Variants in ATP7B observed in about 807,000 individuals in gnomAD.
ATP7B encodes the protein ATPase copper transporting beta.
In ATP7B, 113 loss-of-function variants were observed where a neutral mutation model predicts 118.9. The observed-to-expected ratio is 0.95, with a 90% CI of 0.82 to 1.11. The LOEUF is 1.11. ATP7B is among the 50% of genes most tolerant of loss of function. ATP7B has a pLI of 0.00. For missense variants in ATP7B, 1,867 were observed against 1,871.4 expected, an observed-to-expected ratio of 1.00 and a Z score of 0.04; for synonymous variants, 777 against 727.4, an observed-to-expected ratio of 1.07 and a Z score of -1.10.
At chr13:52,004,172 G>A (rs1163114282) in intron 1 of ATP7B, among the ~76,000 whole-genome samples, 3 of 152,224 alleles carry the variant, frequency 2.0e-5, no homozygotes, top group African/African-American at 7.2e-5. Flanking sequence ...TGAGGCAGAA[G>A]AGTTTCCTTA....
At chr13:51,973,842 G>A in intron 2 of ATP7B, 93 bp downstream of exon 2, 1 of 1,570,210 alleles carries the variant, frequency 6.4e-7, no homozygotes, top group Non-Finnish European at 8.7e-7. Context: ...TGGGAGGCAG[G>A]GAGCAGGGCT....
intron 9 of ATP7B, 50 bp downstream of exon 9, chr13:51,957,466 C>T (rs767295590): frequency 8.3e-6 from 13 of 1,556,956 alleles, no homozygotes; most frequent in African/African-American, 8.1e-5. Flanking sequence ...ATGCAGCTCA[C>T]ACAGATTGAT....
intron 1 of ATP7B, among the ~76,000 whole-genome samples, chr13:52,000,643 CT>C (rs762476281): frequency 2.4e-4 from 37 of 152,338 alleles, no homozygotes; most frequent in Middle Eastern, 3.4e-3. Context: ...CCTTCCCCTG[CT>C]GCTCCCACAG....
chr13:51,996,311 TG>T (rs749323051), intron 1 of ATP7B, among the ~76,000 whole-genome samples: 2 of 152,062 alleles, frequency 1.3e-5, no homozygotes, highest in African/African-American at 2.4e-5. Flanking sequence ...CTGTTCCACA[TG>T]GGGATTAATA....
intron 5 of ATP7B, among the ~76,000 whole-genome samples, chr13:51,963,471 C>T (rs894293854): frequency 1.1e-4 from 16 of 152,082 alleles, no homozygotes; most frequent in Non-Finnish European, 2.4e-4. Context: ...CACGGTGGCT[C>T]ATGCCTGTAA....
Position 51,934,984 on chromosome 13 carries a change from G to A in ATP7B, c.4170C>T (p.Gly1390=). The change falls in exon 21 of 21, where the codon GGC becomes GGT. Residue 1390 remains glycine (G), a synonymous_variant. Transcript: ENST00000242839. ...GGGATGCCGTCAGGGGCTTCATGTG[G>A]CCATGCGCCTGTGCCTCATACCTCT... The part of the protein sequence containing the change: ...DLERYEAQAH[G]HMKPLTASQV... 1.9e-6 allele frequency: 3 copies of A among 1,614,004 alleles called. No homozygotes were observed. The highest frequency in any genetic ancestry group is 2.5e-6 in the Non-Finnish European group (3 of 1,180,044).
At chr13:51,977,822 T>TG (rs1272211443) in intron 1 of ATP7B, among the ~76,000 whole-genome samples, 19 of 152,176 alleles carry the variant, frequency 1.2e-4, no homozygotes, top group African/African-American at 4.6e-4. Context: ...CAATAGGAAT[T>TG]TTTCAGTTTC....
chr13:52,006,230 T>A (rs1180450243), intron 1 of ATP7B, among the ~76,000 whole-genome samples: 1 of 152,256 alleles, frequency 6.6e-6, no homozygotes, highest in Non-Finnish European at 1.5e-5. Context: ...GGATACTTCC[T>A]CGATATCTAT....
chr13:51,954,553 T>C (rs1205946056), intron 9 of ATP7B, among the ~76,000 whole-genome samples: 1 of 152,176 alleles, frequency 6.6e-6, no homozygotes, highest in African/African-American at 2.4e-5. Flanking sequence ...TGGACCAGCA[T>C]GGTGCCAGTG....
At chr13:51,968,860 TTTC>T (rs1951701774) in intron 3 of ATP7B, among the ~76,000 whole-genome samples, 3 of 136,716 alleles carry the variant, frequency 2.2e-5, no homozygotes, top group Non-Finnish European at 4.8e-5. Context: ...TTTTTTCTTT[TTTC>T]TTTTTTTTTT....
chr13:51,961,922 TAA>T lies in ATP7B; in HGVS notation c.1870-11_1870-10del. 6.2e-7 allele frequency: 1 copy of T among 1,610,486 alleles called. No individual in the cohort carries two copies. The highest frequency in any genetic ancestry group is 1.1e-5 in the South Asian group (1 of 90,998). ...GCATGAAAGCCAATTTCCTTGTCAT[TAA>T]AAAGAGAGGGGTGGGGAAAAAGGAG... is the stretch of plus-strand genomic sequence containing the variant. On this transcript the variant is annotated splice_polypyrimidine_tract_variant and intron_variant, in intron 5 of 20. Coordinates refer to ENST00000242839, the MANE Select transcript of ATP7B (RefSeq NM_000053.4).
chr13:51,972,626 A>C (rs1195607488), intron 2 of ATP7B, among the ~76,000 whole-genome samples: 1 of 152,104 alleles, frequency 6.6e-6, no homozygotes, highest in African/African-American at 2.4e-5. Flanking sequence ...ACGTGGTCTC[A>C]TTGCCTCCAT....
chr13:52,010,539 G>A (rs769224294), intron 1 of ATP7B, among the ~76,000 whole-genome samples: 6 of 152,352 alleles, frequency 3.9e-5, no homozygotes, highest in Middle Eastern at 3.4e-3. Flanking sequence ...GAATTAGACA[G>A]TTAGTGAAAC....
chr13:51,976,968 G>T (rs144060577), intron 1 of ATP7B, among the ~76,000 whole-genome samples: 1 of 152,160 alleles, frequency 6.6e-6, no homozygotes, highest in Non-Finnish European at 1.5e-5. Flanking sequence ...GTAAACTTAG[G>T]CTACACTAAA....
chr13:51,959,867 A>G, intron 7 of ATP7B: 1 of 475,440 alleles, frequency 2.1e-6, no homozygotes, highest in Non-Finnish European at 3.9e-6. Flanking sequence ...CCTTGCAGCA[A>G]GGAGGTTGCT....
chr13:51,961,952 A>C lies in ATP7B; in HGVS notation c.1870-39T>G, dbSNP rs747432408. 14 of 1,560,706 alleles carry C rather than the reference A, an allele frequency of 9.0e-6. No homozygotes were observed. The African/African-American group carries it at 1.6e-4, about 18-fold the overall frequency. On this transcript the variant is annotated intron_variant, in intron 5 of 20. Coordinates refer to ENST00000242839, the MANE Select transcript of ATP7B (RefSeq NM_000053.4). ...AGAGAGGGGTGGGGAAAAAGGAGGA[A>C]GGTACTTGGTTAAAATATGCATTGG...
In ATP7B at chr13:51,974,154, C is replaced by T; in HGVS notation, c.1066G>A (p.Gly356Ser). Residue 356 changes from glycine to serine, a missense_variant, in exon 2 of 21, where the codon GGC (glycine) becomes AGC (serine). By Grantham distance (56) the Gly-to-Ser change is moderately conservative. Coordinates refer to ENST00000242839, the MANE Select transcript of ATP7B (RefSeq NM_000053.4). ...GCAATCAGAGTGGTACTGCATGTGC[C>T]CTGGACCTGGTTTCTCGGTGGGGAG... ...PGSPPRNQVQGTCSTTLIAIA... is the reference protein window; with the variant it reads ...PGSPPRNQVQSTCSTTLIAIA... 2 of 1,613,784 alleles carry T rather than the reference C, an allele frequency of 1.2e-6. No homozygotes were observed. Among genetic ancestry groups the T allele is most frequent in the African/African-American group, 1.3e-5 (1 of 74,884 alleles).
Position 52,007,916 on chromosome 13 carries a change from T to C in ATP7B, c.51+3371A>G, listed in dbSNP as rs183584077. ...TAGGGCAAAATATGGGAATGGAGGT[T>C]TCCAGGAGCTTCCATATCCTTTCCA... is the stretch of plus-strand genomic sequence containing the variant. On this transcript the variant is annotated intron_variant, in intron 1 of 20. Transcript: ENST00000242839. 5.9e-5 allele frequency among the ~76,000 whole-genome samples: 9 copies of C among 152,262 alleles called. No homozygotes were observed. In the East Asian group the frequency reaches 1.4e-3, roughly 23 times the overall value.
intron 4 of ATP7B, 82 bp from the exon 5 acceptor site, chr13:51,965,115 A>C (rs1951481437): frequency 3.2e-6 from 5 of 1,568,724 alleles, no homozygotes; most frequent in Non-Finnish European, 4.3e-6. Flanking sequence ...TCTAGGTAAC[A>C]GGCAGCCAAG....
Sources: gnomAD v4.1 joint callset for allele counts (sites outside exome capture counted in the v4.1 genomes callset) on GRCh38, gnomAD v4.1.1 for gene constraint, MANE v1.5 for transcripts, NCBI Gene and HGNC (gene_info 2026-07-23, HGNC 2026-07-21) for gene names.